Variants in FRAS1 observed in about 807,000 individuals in gnomAD.
FRAS1 encodes the protein Fraser extracellular matrix complex subunit 1, also known as extracellular matrix organizing protein FRAS1.
Under a neutral mutation model 435.2 loss-of-function variants are expected in FRAS1, and 290 were observed. The ratio of observed to expected loss-of-function variants is 0.67; its 90% confidence interval spans 0.61 to 0.73. FRAS1 has a LOEUF of 0.73. Among genes scored for constraint, FRAS1 ranks in the 30% least tolerant of loss-of-function variants. The pLI, the probability that FRAS1 is intolerant of heterozygous loss-of-function variation, is 0.00. For missense variants in FRAS1, 4,860 were observed against 5,001.5 expected (o/e 0.97, Z 0.85); for synonymous variants, 1,800 against 1,851.0 (o/e 0.97, Z 0.71).
At chr4:78,497,451 G>A (rs1192842183) in intron 60 of FRAS1, among the ~76,000 whole-genome samples, 3 of 151,748 alleles carry the variant, frequency 2.0e-5, no homozygotes, top group Non-Finnish European at 2.9e-5. Flanking sequence ...CCAGGCACCA[G>A]GGAAGACAAA....
rs116180837 is a variant in FRAS1 at position 78,420,821 on chromosome 4, A to G, written c.4541-1042A>G. On this transcript the variant is annotated intron_variant, in intron 33 of 73. Coordinates refer to ENST00000512123, the MANE Select transcript of FRAS1 (RefSeq NM_025074.7). ...TCTAGGCTATGGTAGGGGCAGTAGT[A>G]TATGCATCTTACTATGTGTATTAGT... 9.7e-3 allele frequency among the ~76,000 whole-genome samples: 1,439 copies of G among 148,984 alleles called. 26 individuals carry two copies. Among genetic ancestry groups the G allele is most frequent in the African/African-American group, 0.033 (1,339 of 40,518 alleles).
Position 78,400,790 on chromosome 4 carries a change from G to A in FRAS1, c.4032G>A (p.Gly1344=), listed in dbSNP as rs371941648. 1.2e-6 allele frequency: 2 copies of A among 1,613,610 alleles called. No homozygotes were observed. The highest frequency in any genetic ancestry group is 8.5e-7 in the Non-Finnish European group (1 of 1,179,718). The change falls in exon 30 of 74, where the codon GGG becomes GGA. Residue 1344 remains glycine (G), a synonymous_variant. Coordinates refer to ENST00000512123, the MANE Select transcript of FRAS1 (RefSeq NM_025074.7). ...ANSMVWVPEG[G]MLQITNRILQ... is the part of the protein sequence containing the mutation. ...CGATGGTGTGGGTTCCAGAAGGGGG[G>A]ATGCTGCAGATCACCAACAGAATCT...
At chr4:78,470,902 T>C (rs1422239227) in intron 51 of FRAS1, among the ~76,000 whole-genome samples, 3 of 152,096 alleles carry the variant, frequency 2.0e-5, no homozygotes, top group Non-Finnish European at 4.4e-5. Flanking sequence ...CTTGCACTCA[T>C]ATTTATTGGC....
rs1194828648 is a variant in FRAS1 at position 78,379,807 on chromosome 4, T to G, written c.3374T>G (p.Leu1125Arg). 1.2e-6 allele frequency: 2 copies of G among 1,613,836 alleles called. No homozygotes were observed. Among genetic ancestry groups the G allele is most frequent in the Admixed American group, 1.7e-5 (1 of 60,002 alleles). Residue 1125 changes from leucine to arginine, a missense_variant, in exon 27 of 74, where the codon CTC becomes CGC. Coordinates refer to ENST00000512123, the MANE Select transcript of FRAS1 (RefSeq NM_025074.7). The part of the protein sequence containing the change: ...IGSIKPLDFS[L>R]LNVQDQEGRV... ...TCAATAAAGCCACTGGATTTTTCCC[T>G]CCTGAATGTCCAAGACCAGGAGGGT...
At position 78,537,212 on chromosome 4, in the gene FRAS1, TCTCA is replaced by T; in HGVS notation, c.11298+15_11298+18del. ...GATTCCTGCTGTTGGTATGCTAAGTTCTCACTATTAGTGTTAAAGAGCAGACACT... is the reference window on the plus strand; with the variant it reads ...GATTCCTGCTGTTGGTATGCTAAGTTCTATTAGTGTTAAAGAGCAGACACT... On this transcript the variant is annotated intron_variant, in intron 72 of 73. Transcript: ENST00000512123. 1 of 1,611,756 alleles carries T rather than the reference TCTCA, an allele frequency of 6.2e-7. No homozygotes were observed. Among genetic ancestry groups the T allele is most frequent in the Non-Finnish European group, 8.5e-7 (1 of 1,178,652 alleles).
intron 2 of FRAS1, among the ~76,000 whole-genome samples, chr4:78,175,479 G>T (rs1721729149): frequency 6.6e-6 from 1 of 152,170 alleles, no homozygotes; most frequent in Admixed American, 6.5e-5. Flanking sequence ...CAGCAGGAAG[G>T]TCTACAGACC....
At chr4:78,112,452 CT>C (rs905496502) in intron 2 of FRAS1, among the ~76,000 whole-genome samples, 192 of 151,838 alleles carry the variant, frequency 1.3e-3, no homozygotes, top group African/African-American at 4.4e-3. Flanking sequence ...TGTTAGGTGA[CT>C]TTTTTTTCTG....
At chr4:78,264,027 T>C (rs1169272344) in intron 6 of FRAS1, among the ~76,000 whole-genome samples, 5 of 152,208 alleles carry the variant, frequency 3.3e-5, no homozygotes, top group Admixed American at 2.6e-4. Flanking sequence ...TTGTGTTTTC[T>C]ACTCCTCATA....
At chr4:78,287,819 G>A (rs1394848195) in intron 14 of FRAS1, among the ~76,000 whole-genome samples, 1 of 152,162 alleles carries the variant, frequency 6.6e-6, no homozygotes, top group African/African-American at 2.4e-5. Flanking sequence ...AAACCATGTT[G>A]AAAGGAAACA....
At chr4:78,269,114 A>G (rs960106320) in intron 9 of FRAS1, among the ~76,000 whole-genome samples, 1 of 152,222 alleles carries the variant, frequency 6.6e-6, no homozygotes, top group African/African-American at 2.4e-5. Context: ...CCTTCTTTAT[A>G]TGCCATACTT....
intron 2 of FRAS1, among the ~76,000 whole-genome samples, chr4:78,155,193 G>C (rs1190488881): frequency 6.6e-6 from 1 of 152,188 alleles, no homozygotes; most frequent in Admixed American, 6.5e-5. Flanking sequence ...GTGGGTTTTC[G>C]GTCATGTTTG....
At chr4:78,083,519 G>A (rs181724850) in intron 2 of FRAS1, among the ~76,000 whole-genome samples, 6 of 151,824 alleles carry the variant, frequency 4.0e-5, no homozygotes, top group South Asian at 2.1e-4. Flanking sequence ...TGCTGTTGAC[G>A]CATGGAAATA....
chr4:78,365,251 T>C (rs1038655192), intron 22 of FRAS1, among the ~76,000 whole-genome samples: 2 of 152,210 alleles, frequency 1.3e-5, no homozygotes, highest in South Asian at 2.1e-4. Flanking sequence ...TCTGTGGAGG[T>C]ACTGGAGATC....
intron 70 of FRAS1, among the ~76,000 whole-genome samples, chr4:78,532,174 C>T (rs1721735959): frequency 6.6e-6 from 1 of 152,184 alleles, no homozygotes; most frequent in Non-Finnish European, 1.5e-5. Context: ...CCTCTGTGAT[C>T]TTATCTCCCT....
At position 78,478,022 on chromosome 4, in the gene FRAS1, G is replaced by A. The variant is rs1367138213; in HGVS notation, c.8059G>A (p.Glu2687Lys). 5.7e-6 allele frequency: 9 copies of A among 1,592,722 alleles called. No individual in the cohort carries two copies. Among genetic ancestry groups the A allele is most frequent in the Non-Finnish European group, 7.7e-6 (9 of 1,168,998 alleles). ...TGACAAGAAGATCTACTGGGTTAACGAGAGCGCTGGTTTTCTGTTTGCACC... is the reference window on the plus strand; with the variant it reads ...TGACAAGAAGATCTACTGGGTTAACAAGAGCGCTGGTTTTCTGTTTGCACC... The part of the protein sequence containing the change: ...EFDKKIYWVN[E>K]SAGFLFAPIE... The change falls in exon 55 of 74, where the codon GAG (glutamate) becomes AAG (lysine). Residue 2687 changes from glutamate to lysine, a missense_variant. Glu to Lys is a moderately conservative substitution (Grantham distance 56). Coordinates refer to ENST00000512123, the MANE Select transcript of FRAS1 (RefSeq NM_025074.7).
intron 2 of FRAS1, chr4:78,181,347 A>C (rs1721990328): frequency 6.2e-7 from 1 of 1,611,516 alleles, no homozygotes; most frequent in Non-Finnish European, 8.5e-7. Flanking sequence ...GATTGATCCA[A>C]GTCAGTTAAT....
intron 41 of FRAS1, among the ~76,000 whole-genome samples, chr4:78,444,519 A>G (rs1718724683): frequency 6.6e-6 from 1 of 152,194 alleles, no homozygotes; most frequent in South Asian, 2.1e-4. Flanking sequence ...AGGGAAGGGG[A>G]AAGCCTGTTG....
chr4:78,287,991 G>T (rs534632099), intron 14 of FRAS1, among the ~76,000 whole-genome samples: 5 of 152,196 alleles, frequency 3.3e-5, no homozygotes, highest in Non-Finnish European at 7.3e-5. Flanking sequence ...AGCATCAAGG[G>T]CTGCACAAAG....
intron 9 of FRAS1, among the ~76,000 whole-genome samples, chr4:78,272,450 C>T (rs555248810): frequency 2.0e-5 from 3 of 152,126 alleles, no homozygotes; most frequent in Non-Finnish European, 4.4e-5. Flanking sequence ...TTTAGGTCTG[C>T]CATTTAAGTC....
Sources: allele counts gnomAD v4.1 joint callset (sites outside exome capture counted in the v4.1 genomes callset), GRCh38; gene constraint gnomAD v4.1.1; transcripts MANE v1.5; gene names NCBI Gene and HGNC (gene_info 2026-07-23, HGNC 2026-07-21).